Variants in OR6N1 observed in about 807,000 individuals in gnomAD.
OR6N1 encodes olfactory receptor 6N1.
For synonymous variants in OR6N1, 170 were observed against 150.7 expected (o/e 1.13, Z -0.94); for missense variants, 394 against 371.7 (o/e 1.06, Z -0.49).
At chr1:158,783,169 C>G in the OR6N1 span, among the ~76,000 whole-genome samples, 1,324 of 152,262 alleles carry the variant, frequency 8.7e-3, 22 homozygotes, top group African/African-American at 0.03. Flanking sequence ...GTCACTTCCC[C>G]TCATTGGTCC....
At chr1:158,767,906 C>T (rs1386540611) in intron 1 of OR6N1, among the ~76,000 whole-genome samples, 2 of 152,144 alleles carry the variant, frequency 1.3e-5, no homozygotes, top group Non-Finnish European at 2.9e-5. Flanking sequence ...TTCTCATAGA[C>T]ATTAATTATC....
the OR6N1 span, among the ~76,000 whole-genome samples, chr1:158,784,208 T>C: frequency 1.7e-4 from 26 of 152,248 alleles, no homozygotes; most frequent in Non-Finnish European, 2.9e-4. Flanking sequence ...TCTTCTGTTA[T>C]AGTTTTTCAG....
At chr1:158,805,223 T>C in the OR6N1 span, among the ~76,000 whole-genome samples, 1 of 152,220 alleles carries the variant, frequency 6.6e-6, no homozygotes, top group African/African-American at 2.4e-5. Flanking sequence ...AATGTCAGCC[T>C]TGATGCTAGT....
At chr1:158,812,740 T>A in the OR6N1 span, among the ~76,000 whole-genome samples, 1 of 152,220 alleles carries the variant, frequency 6.6e-6, no homozygotes. Context: ...TGGACAGACT[T>A]ATGTGTAATA....
At chr1:158,777,592 A>T in the OR6N1 span, 1 of 1,613,922 alleles carries the variant, frequency 6.2e-7, no homozygotes, top group African/African-American at 1.3e-5. Context: ...GGCAAAGCCA[A>T]GGAACACAAA....
chr1:158,783,832 C>A, the OR6N1 span, among the ~76,000 whole-genome samples: 6 of 152,094 alleles, frequency 3.9e-5, no homozygotes, highest in African/African-American at 9.7e-5. Context: ...AGGGACTGGG[C>A]GCGGTGGCTC....
intron 1 of OR6N1, among the ~76,000 whole-genome samples, chr1:158,771,687 T>C (rs553849829): frequency 6.6e-6 from 1 of 152,228 alleles, no homozygotes; most frequent in East Asian, 1.9e-4. Context: ...GGAGATGCAA[T>C]TTTAGAGATT....
the OR6N1 span, among the ~76,000 whole-genome samples, chr1:158,814,972 G>A: frequency 1.3e-5 from 2 of 152,106 alleles, no homozygotes; most frequent in Non-Finnish European, 2.9e-5. Flanking sequence ...CAAAGGATGA[G>A]GGGCAAAGAG....
chr1:158,808,184 C>T, the OR6N1 span, among the ~76,000 whole-genome samples: 1 of 117,624 alleles, frequency 8.5e-6, no homozygotes, highest in East Asian at 2.9e-4. Flanking sequence ...GTCGCCCAGG[C>T]TGGAGTGCAG....
rs914447208 is a variant in OR6N1, at chr1:158,765,433, C to T, written c.*311G>A. 13 of 224,648 alleles carry T rather than the reference C, an allele frequency of 5.8e-5. No individual in the cohort carries two copies. The highest frequency in any genetic ancestry group is 9.1e-5 in the East Asian group (1 of 10,964). The allele number at this position is 224,648 out of a possible 1,614,324, so 13.9% of individuals were successfully genotyped here. On this transcript the variant is annotated 3_prime_UTR_variant, in exon 2 of 2. Transcript: ENST00000641846. The stretch of plus-strand genomic sequence containing the variant: ...AGTAAATTTGAAAAATGCCTATAAA[C>T]GTATAATAGGTAAGACACAGATTTT...
the OR6N1 span, among the ~76,000 whole-genome samples, chr1:158,819,464 T>C: frequency 6.6e-6 from 1 of 152,162 alleles, no homozygotes; most frequent in Non-Finnish European, 1.5e-5. Flanking sequence ...CTTCATACAT[T>C]TTAAAGTTTT....
chr1:158,819,817 C>G, the OR6N1 span, among the ~76,000 whole-genome samples: 9 of 152,282 alleles, frequency 5.9e-5, no homozygotes, highest in Admixed American at 2.6e-4. Flanking sequence ...AAACCACAAG[C>G]ACAATTTTCA....
chr1:158,829,931 T>A, the OR6N1 span, among the ~76,000 whole-genome samples: 9 of 152,294 alleles, frequency 5.9e-5, 1 homozygote, highest in African/African-American at 1.7e-4. Context: ...TCCCATTTTT[T>A]AAAAACTATT....
chr1:158,794,579 A>G, the OR6N1 span, among the ~76,000 whole-genome samples: 1 of 152,124 alleles, frequency 6.6e-6, no homozygotes, highest in Non-Finnish European at 1.5e-5. Context: ...AGGTACCAGC[A>G]CCAGCTCTTA....
chr1:158,800,198 T>G, the OR6N1 span, among the ~76,000 whole-genome samples: 1 of 152,196 alleles, frequency 6.6e-6, no homozygotes, highest in Non-Finnish European at 1.5e-5. Context: ...TCTCAGTGAC[T>G]TCCTGGTGGA....
At position 158,766,673 on chromosome 1, in the gene OR6N1, C is replaced by G; in HGVS notation, c.10G>C (p.Gly4Arg). 2 of 1,608,846 alleles carry G rather than the reference C, an allele frequency of 1.2e-6. No individual in the cohort carries two copies. The highest frequency in any genetic ancestry group is 1.7e-6 in the Non-Finnish European group (2 of 1,178,118). MDT[G>R]NWSQVAEFII... ...AATTCTGCTACCTGGCTCCAGTTCCCTGTGTCCATTGCTCACCATTCATGT... is the reference window on the plus strand; with the variant it reads ...AATTCTGCTACCTGGCTCCAGTTCCGTGTGTCCATTGCTCACCATTCATGT... The change falls in exon 2 of 2, where the codon GGG becomes CGG. Residue 4 changes from glycine (G) to arginine (R), a missense_variant. Transcript: ENST00000641846.
chr1:158,818,265 T>A, the OR6N1 span, among the ~76,000 whole-genome samples: 1 of 152,244 alleles, frequency 6.6e-6, no homozygotes, highest in East Asian at 1.9e-4. Flanking sequence ...GTTTCCTTTA[T>A]ACATTTATAT....
chr1:158,811,200 C>A, the OR6N1 span, among the ~76,000 whole-genome samples: 3 of 152,158 alleles, frequency 2.0e-5, no homozygotes, highest in Non-Finnish European at 2.9e-5. Flanking sequence ...CATGTCCCTG[C>A]AAAGGTGTTT....
intron 1 of OR6N1, among the ~76,000 whole-genome samples, chr1:158,769,891 A>G (rs1657373344): frequency 1.3e-5 from 2 of 152,212 alleles, no homozygotes; most frequent in Non-Finnish European, 2.9e-5. Flanking sequence ...ATCCATGTCT[A>G]TCCACTGCCC....
Sources: allele counts gnomAD v4.1 joint callset (sites outside exome capture counted in the v4.1 genomes callset), GRCh38; gene constraint gnomAD v4.1.1; transcripts MANE v1.5; gene names NCBI Gene and HGNC (gene_info 2026-07-23, HGNC 2026-07-21).